PTK2B: variants seen among roughly 807,000 people sequenced by gnomAD.
The protein encoded by PTK2B is protein-tyrosine kinase 2-beta.
In PTK2B, 71 loss-of-function variants were observed where a neutral mutation model predicts 142.9. The ratio of observed to expected loss-of-function variants is 0.50; its 90% CI spans 0.41 to 0.61. The LOEUF (loss-of-function observed/expected upper bound fraction) is 0.61, where lower values mean the gene tolerates loss of function less well. Ranked by LOEUF, PTK2B falls within the 20% of genes least tolerant of loss-of-function variation. The pLI is 0.00. For missense variants in PTK2B, 1,105 were observed against 1,320.4 expected, an observed-to-expected ratio of 0.84 and a Z score of 2.53; for synonymous variants, 519 against 503.4, an observed-to-expected ratio of 1.03 and a Z score of -0.42.
At chr8:27,448,494 G>A (rs1396853800) in intron 24 of PTK2B, among the ~76,000 whole-genome samples, 2 of 152,178 alleles carry the variant, frequency 1.3e-5, no homozygotes, top group Non-Finnish European at 2.9e-5. Flanking sequence ...AAATTGGAAG[G>A]CATCAGGATG....
chr8:27,437,473 A>G lies in PTK2B; in HGVS notation c.1504A>G (p.Met502Val). 1 of 1,612,104 alleles carries G rather than the reference A, an allele frequency of 6.2e-7. No homozygotes were observed. The highest frequency in any genetic ancestry group is 8.5e-7 in the Non-Finnish European group (1 of 1,179,072). Reference protein sequence around the residue: ...IIEEEPTWIIMELYPYGELGH... With the variant: ...IIEEEPTWIIVELYPYGELGH... ...TGAAGAGGAGCCCACCTGGATCATC[A>G]TGGAATTGTATCCCTATGGGGAGGT... Residue 502 changes from methionine to valine, a missense_variant, in exon 17 of 31, where the codon ATG becomes GTG. Met to Val is a conservative substitution (Grantham distance 21). Transcript: ENST00000346049.
At chr8:27,422,460 G>A in intron 5 of PTK2B, 77 bp downstream of exon 5, 1 of 1,300,956 alleles carries the variant, frequency 7.7e-7, no homozygotes, top group Non-Finnish European at 1.0e-6. Flanking sequence ...CCATGTCCAA[G>A]ATGGGAAGCA....
intron 1 of PTK2B, among the ~76,000 whole-genome samples, chr8:27,369,139 C>T (rs187426833): frequency 2.2e-4 from 33 of 151,874 alleles, no homozygotes; most frequent in Admixed American, 9.8e-4. Flanking sequence ...TTCCTTATGC[C>T]CTCCCTCTTC....
At chr8:27,311,018 T>C, upstream of PTK2B, 1 of 1,609,980 alleles carries the variant, frequency 6.2e-7, no homozygotes, top group Non-Finnish European at 8.5e-7. Flanking sequence ...GTTGAGGGTG[T>C]GGTTGGTGCG....
intron 1 of PTK2B, among the ~76,000 whole-genome samples, chr8:27,379,874 G>T (rs974190039): frequency 1.3e-5 from 2 of 152,140 alleles, no homozygotes; most frequent in Non-Finnish European, 2.9e-5. Context: ...TTGAGTAACT[G>T]GGATTATAGG....
At chr8:27,364,349 A>G (rs895328378) in intron 1 of PTK2B, among the ~76,000 whole-genome samples, 2 of 152,372 alleles carry the variant, frequency 1.3e-5, no homozygotes, top group Admixed American at 6.5e-5. Context: ...TCCTATGCTA[A>G]ATACAACTGG....
At chr8:27,316,659 C>T (rs1200561533) in intron 3 of PTK2B, among the ~76,000 whole-genome samples, 2 of 152,214 alleles carry the variant, frequency 1.3e-5, no homozygotes, top group Non-Finnish European at 2.9e-5. Context: ...CCAAGTAAAT[C>T]TTTGAGGAAA....
At chr8:27,421,195 T>C (rs1414883437) in intron 4 of PTK2B, among the ~76,000 whole-genome samples, 4 of 152,254 alleles carry the variant, frequency 2.6e-5, no homozygotes, top group African/African-American at 9.6e-5. Context: ...ACCTACTTTA[T>C]AGGGTTGTTG....
intron 1 of PTK2B, among the ~76,000 whole-genome samples, chr8:27,376,119 A>G (rs1472900068): frequency 6.6e-6 from 1 of 152,330 alleles, no homozygotes; most frequent in East Asian, 1.9e-4. Context: ...GAGAGAGTCC[A>G]GGGGTGCTTG....
chr8:27,454,427 A>T (rs1432863851), intron 29 of PTK2B, 104 bp from the exon 30 acceptor site: 2 of 1,546,196 alleles, frequency 1.3e-6, no homozygotes, highest in African/African-American at 2.7e-5. Context: ...GTCCCAGGCC[A>T]CTCGCGGGGG....
At chr8:27,442,832 C>T (rs1481465615) in intron 21 of PTK2B, 43 bp from the exon 22 acceptor site, 1 of 1,557,882 alleles carries the variant, frequency 6.4e-7, no homozygotes. Context: ...GAGCGTCTCA[C>T]TTTGACCTAG....
At chr8:27,414,937 G>C (rs1809308459) in intron 2 of PTK2B, among the ~76,000 whole-genome samples, 1 of 152,096 alleles carries the variant, frequency 6.6e-6, no homozygotes, top group Non-Finnish European at 1.5e-5. Flanking sequence ...GAAGGAAAAA[G>C]AAAAGAAGAT....
At chr8:27,431,121 A>G in intron 8 of PTK2B, 105 bp downstream of exon 8, 2 of 1,515,848 alleles carry the variant, frequency 1.3e-6, no homozygotes, top group Non-Finnish European at 8.9e-7. Flanking sequence ...GCAGATTCTC[A>G]CTCAGGCAGC....
At chr8:27,424,994 G>A (rs545120013) in intron 5 of PTK2B, among the ~76,000 whole-genome samples, 6 of 152,236 alleles carry the variant, frequency 3.9e-5, no homozygotes, top group African/African-American at 4.8e-5. Flanking sequence ...TGGGCAAGTC[G>A]ATTACCCGCT....
At chr8:27,447,043 A>G (rs919133257) in intron 24 of PTK2B, among the ~76,000 whole-genome samples, 4 of 152,216 alleles carry the variant, frequency 2.6e-5, no homozygotes, top group Admixed American at 2.0e-4. Context: ...TTGACTCTCT[A>G]TTCATAAATG....
At chr8:27,411,967 G>A (rs1809092022) in intron 2 of PTK2B, among the ~76,000 whole-genome samples, 1 of 152,186 alleles carries the variant, frequency 6.6e-6, no homozygotes, top group South Asian at 2.1e-4. Context: ...TATCCTTACA[G>A]TTTTATCATA....
At chr8:27,390,641 T>TA (rs1807658951) in intron 1 of PTK2B, among the ~76,000 whole-genome samples, 1 of 152,048 alleles carries the variant, frequency 6.6e-6, no homozygotes, top group African/African-American at 2.4e-5. Flanking sequence ...CCCCTATCTC[T>TA]AAAAATTAAT....
Position 27,397,588 on chromosome 8 carries a change from T to C in PTK2B, c.4T>C (p.Ser2Pro). 6.2e-7 allele frequency: 1 copy of C among 1,613,560 alleles called. No individual in the cohort carries two copies. Among genetic ancestry groups the C allele is most frequent in the Non-Finnish European group, 8.5e-7 (1 of 1,180,004 alleles). Residue 2 changes from serine to proline, a missense_variant, in exon 2 of 31, where the codon TCT (serine) becomes CCT (proline). By Grantham distance (74) the Ser-to-Pro change is moderately conservative (BLOSUM62 -1). Coordinates refer to ENST00000346049, the MANE Select transcript of PTK2B (RefSeq NM_173176.3). M[S>P]GVSEPLSRVK... ...ATCTTAGCTGCTGCCTGAGAGGATGTCTGGGGTGTCCGAGCCCCTGAGTCG... is the reference window on the plus strand; with the variant it reads ...ATCTTAGCTGCTGCCTGAGAGGATGCCTGGGGTGTCCGAGCCCCTGAGTCG...
intron 7 of PTK2B, among the ~76,000 whole-genome samples, 157 bp downstream of exon 7, chr8:27,430,575 C>T (rs1810347091): frequency 1.3e-5 from 2 of 152,166 alleles, no homozygotes; most frequent in African/African-American, 4.8e-5. Context: ...GGGGTCCTCT[C>T]TGGGGCTGGG....
Sources: allele counts gnomAD v4.1 joint callset (sites outside exome capture counted in the v4.1 genomes callset), GRCh38; gene constraint gnomAD v4.1.1; transcripts MANE v1.5; gene names NCBI Gene and HGNC (gene_info 2026-07-23, HGNC 2026-07-21).